Variants in HOMER3 observed in about 807,000 individuals in gnomAD.
HOMER3 encodes homer protein homolog 3.
Under a neutral mutation model 45.5 loss-of-function variants are expected in HOMER3, and 34 were observed. The observed-to-expected ratio is 0.75, with a 90% CI of 0.57 to 1.00. The LOEUF (loss-of-function observed/expected upper bound fraction) is 1.00, where lower values mean the gene tolerates loss of function less well. Among genes scored for constraint, HOMER3 ranks in the 50% least tolerant of loss-of-function variants. The probability of loss-of-function intolerance (pLI) is 0.00; values close to 1 mark genes in which losing one functional copy is unlikely to be tolerated. For missense variants in HOMER3, 480 were observed against 497.5 expected (o/e 0.96, Z 0.33); for synonymous variants, 223 against 208.8 (o/e 1.07, Z -0.58).
At position 18,929,468 on chromosome 19, in the gene HOMER3, G is replaced by A; in HGVS notation, c.1061C>T (p.Ala354Val). 2 of 1,599,564 alleles carry A rather than the reference G, an allele frequency of 1.3e-6. No homozygotes were observed. Among genetic ancestry groups the A allele is most frequent in the South Asian group, 1.1e-5 (1 of 89,932 alleles). Residue 354 changes from alanine (A) to valine (V), a missense_variant, in exon 10 of 10, where the codon GCC (alanine) becomes GTC (valine). By Grantham distance (64) the Ala-to-Val change is moderately conservative. Coordinates refer to ENST00000392351, the MANE Select transcript of HOMER3 (RefSeq NM_004838.4). ...FELSELREGLARLAEAAP is the reference protein window; with the variant it reads ...FELSELREGLVRLAEAAP ...TCAGGGCGCAGCCTCAGCCAGGCGG[G>A]CCAGGCCCTCACGCAGCTCACTCAG...
At chr19:18,931,460 C>T in intron 8 of HOMER3, 49 bp from the exon 9 acceptor site, 1 of 1,612,470 alleles carries the variant, frequency 6.2e-7, no homozygotes, top group Non-Finnish European at 8.5e-7. Context: ...CTGGCTTTCC[C>T]ACAGGAGGTG....
intron 6 of HOMER3, among the ~76,000 whole-genome samples, chr19:18,932,532 G>C (rs113243501): frequency 1.3e-5 from 2 of 152,208 alleles, no homozygotes; most frequent in African/African-American, 4.8e-5. Flanking sequence ...CGCAGAAGCG[G>C]GGTCTTGTCG....
Position 18,932,044 on chromosome 19 carries a change from C to T in HOMER3, c.622G>A (p.Ala208Thr), listed in dbSNP as rs2057039279. Residue 208 changes from alanine (A) to threonine (T), a missense_variant, in exon 7 of 10, where the codon GCC becomes ACC. Ala to Thr is a moderately conservative substitution (Grantham distance 58). Transcript: ENST00000392351. Reference sequence around the variant, plus strand: ...TGCTGCCTCCACTGGGCTGCGGCGGCGTTGGCCTCTCGCAGGGCGCCTGCC... The same window carrying T: ...TGCTGCCTCCACTGGGCTGCGGCGGTGTTGGCCTCTCGCAGGGCGCCTGCC... ...KLAGALREAN[A>T]AAAQWRQQLE... is the part of the protein sequence containing the mutation. 1 of 1,554,058 alleles carries T rather than the reference C, an allele frequency of 6.4e-7. No homozygotes were observed. The highest frequency in any genetic ancestry group is 8.7e-7 in the Non-Finnish European group (1 of 1,150,644).
At chr19:18,930,324 G>A (rs1397952651) in intron 9 of HOMER3, among the ~76,000 whole-genome samples, 1 of 144,950 alleles carries the variant, frequency 6.9e-6, no homozygotes, top group Admixed American at 6.9e-5. Context: ...GAGGCGAGTG[G>A]ATCATAAGGT....
intron 1 of HOMER3, chr19:18,939,532 T>TCTAGGGGAAGCCCCCACAACA (rs1478421330): frequency 2.4e-4 from 37 of 153,058 alleles, no homozygotes; most frequent in Non-Finnish European, 1.5e-4. Context: ...TCTTTCTTTG[T>TCTAGGGGAAGCCCCCACAACA]CTAGGGGAAG....
chr19:18,929,713 T>C (rs2057009662), intron 9 of HOMER3, 79 bp from the exon 10 acceptor site: 1 of 1,218,030 alleles, frequency 8.2e-7, no homozygotes, highest in East Asian at 2.7e-5. Context: ...TCTGACCACC[T>C]TCATGTCCCT....
At chr19:18,935,884 G>C (rs552125079) in intron 4 of HOMER3, among the ~76,000 whole-genome samples, 4 of 143,846 alleles carry the variant, frequency 2.8e-5, no homozygotes, top group African/African-American at 9.8e-5. Flanking sequence ...GCCAGGCATG[G>C]TGGTGGGCGC....
In HOMER3 at chr19:18,929,302, C is replaced by A. The variant is rs761430260; in HGVS notation, c.*141G>T. On this transcript the variant is annotated 3_prime_UTR_variant, in exon 10 of 10. Transcript: ENST00000392351. Reference sequence around the variant, plus strand: ...AACAACCAGAGCCGACTGGGGCCCACCCCAGCCCAGCCCGGCCCGGCCCAC... The same window carrying A: ...AACAACCAGAGCCGACTGGGGCCCAACCCAGCCCAGCCCGGCCCGGCCCAC... The A allele has an allele frequency of 2.1e-6, 2 of 952,016 alleles. No homozygotes were observed. Among genetic ancestry groups the A allele is most frequent in the Non-Finnish European group, 1.7e-6 (1 of 589,764 alleles). The allele number at this position is 952,016 out of a possible 1,614,324, so 59.0% of individuals were successfully genotyped here. A position where few individuals can be genotyped will look rare whatever the true frequency, so the allele number is the denominator to read the frequency against.
chr19:18,931,654 G>T (rs775238819), intron 7 of HOMER3, 29 bp from the exon 8 acceptor site: 6 of 1,566,708 alleles, frequency 3.8e-6, no homozygotes, highest in Admixed American at 1.8e-5. Flanking sequence ...AGCCCCTGAC[G>T]CCCCCGCCTG....
At chr19:18,939,887 A>G (rs1270009597) in intron 1 of HOMER3, 1 of 152,724 alleles carries the variant, frequency 6.5e-6, no homozygotes, top group African/African-American at 2.4e-5. Flanking sequence ...GGGAGCCCCC[A>G]GCCAAGTTAA....
intron 5 of HOMER3, among the ~76,000 whole-genome samples, chr19:18,933,363 C>T (rs1191639143): frequency 1.3e-5 from 2 of 152,184 alleles, no homozygotes; most frequent in Admixed American, 6.5e-5. Flanking sequence ...CAATCGGACA[C>T]CTCCCTGCTG....
Position 18,938,497 on chromosome 19 carries a change from A to T in HOMER3, c.172-13T>A. On this transcript the variant is annotated splice_polypyrimidine_tract_variant and intron_variant, in intron 3 of 9. Transcript: ENST00000392351. Reference sequence around the variant, plus strand: ...TGTTGATGATGGCCTAGGGTCGGGGAACAAAGTTCAAGGTAGATGGGACAG... The same window carrying T: ...TGTTGATGATGGCCTAGGGTCGGGGTACAAAGTTCAAGGTAGATGGGACAG... 1 of 1,610,256 alleles carries T rather than the reference A, an allele frequency of 6.2e-7. No homozygotes were observed. The highest frequency in any genetic ancestry group is 1.1e-5 in the South Asian group (1 of 90,978).
At position 18,938,733 on chromosome 19, in the gene HOMER3, C is replaced by T. The variant is rs763487122; in HGVS notation, c.166G>A (p.Ala56Thr). 1.4e-5 allele frequency: 20 copies of T among 1,442,280 alleles called. No homozygotes were observed. Among genetic ancestry groups the T allele is most frequent in the Admixed American group, 7.2e-5 (4 of 55,934 alleles). The allele number at this position is 1,442,280 out of a possible 1,614,324, so 89.3% of individuals were successfully genotyped here. ...NVYRIISIGG[A>T]KAIINSTVTP... ...CACCCAGACCCCACCCTGACCTTGG[C>T]GCCTCCGATGCTGATGATGCGGTAC... The change falls in exon 3 of 10, where the codon GCC (alanine) becomes ACC (threonine). Residue 56 changes from alanine to threonine, a missense_variant. Coordinates refer to ENST00000392351, the MANE Select transcript of HOMER3 (RefSeq NM_004838.4).
rs766093745 is a variant in HOMER3 at position 18,931,433 on chromosome 19, G to A, written c.808-22C>T. The stretch of plus-strand genomic sequence containing the variant: ...TCTCCTAGAGGAGAAGAGTTCCCAG[G>A]GTCTGTTGCGGGGGTCCTGGCTTTC... On this transcript the variant is annotated intron_variant, in intron 8 of 9. Coordinates refer to ENST00000392351, the MANE Select transcript of HOMER3 (RefSeq NM_004838.4). 23 of 1,613,576 alleles carry A rather than the reference G, an allele frequency of 1.4e-5. No individual in the cohort carries two copies. In the South Asian group the frequency reaches 2.4e-4, roughly 17 times the overall value.
chr19:18,934,263 C>T, intron 5 of HOMER3, 40 bp downstream of exon 5: 1 of 1,239,046 alleles, frequency 8.1e-7, no homozygotes, highest in Non-Finnish European at 1.1e-6. Flanking sequence ...GGCTGACTCA[C>T]AGGTGCCCAG....
chr19:18,932,895 C>CCCCCCCCCCAA, intron 6 of HOMER3, 29 bp downstream of exon 6: 1 of 1,263,468 alleles, frequency 7.9e-7, no homozygotes, highest in Non-Finnish European at 1.0e-6. Context: ...ACCCCCGCCC[C>CCCCCCCCCCAA]TGCCACGCCC....
In HOMER3 at chr19:18,929,246, T is replaced by A. The variant is rs1568333604; in HGVS notation, c.*197A>T. On this transcript the variant is annotated 3_prime_UTR_variant, in exon 10 of 10. Transcript: ENST00000392351. ...CGGGGGATCTAGAAATTCTACACAA[T>A]GAGAAGCTCAAAAACAGCCCCAAAG... 2 of 766,798 alleles carry A rather than the reference T, an allele frequency of 2.6e-6. No individual in the cohort carries two copies. Among genetic ancestry groups the A allele is most frequent in the East Asian group, 2.4e-5 (1 of 41,220 alleles). 47.5% of individuals were successfully genotyped at this position (766,798 alleles called of 1,614,324 possible). A position where few individuals can be genotyped will look rare whatever the true frequency, so the allele number is the denominator to read the frequency against.
intron 9 of HOMER3, 77 bp from the exon 10 acceptor site, chr19:18,929,711 C>T: frequency 1.6e-6 from 2 of 1,218,384 alleles, no homozygotes; most frequent in Non-Finnish European, 2.2e-6. Flanking sequence ...AGTCTGACCA[C>T]CTTCATGTCC....
At chr19:18,935,156 G>T (rs1391008942) in intron 4 of HOMER3, among the ~76,000 whole-genome samples, 1 of 145,788 alleles carries the variant, frequency 6.9e-6, no homozygotes. Flanking sequence ...TTTTTTTGGG[G>T]GGGGACAGAA....
Sources: gnomAD v4.1 joint callset for allele counts (sites outside exome capture counted in the v4.1 genomes callset) on GRCh38, gnomAD v4.1.1 for gene constraint, MANE v1.5 for transcripts, NCBI Gene and HGNC (gene_info 2026-07-23, HGNC 2026-07-21) for gene names.